PAPPA2: variants seen among roughly 807,000 people sequenced by gnomAD.
PAPPA2 encodes the protein pappalysin-2.
PAPPA2 carries 86 observed loss-of-function variants against 176.4 expected under a neutral mutation model. The observed-to-expected ratio is 0.49, with a 90% confidence interval of 0.41 to 0.58. The LOEUF is 0.58. Among genes scored for constraint, PAPPA2 ranks in the 20% least tolerant of loss-of-function variants. The pLI is 0.00. For synonymous variants in PAPPA2, 809 were observed against 852.2 expected, an observed-to-expected ratio of 0.95 and a Z score of 0.88; for missense variants, 2,073 against 2,256.9, an observed-to-expected ratio of 0.92 and a Z score of 1.65.
intron 4 of PAPPA2, among the ~76,000 whole-genome samples, chr1:176,688,961 A>G (rs1409715632): frequency 2.0e-5 from 3 of 152,212 alleles, no homozygotes; most frequent in Non-Finnish European, 2.9e-5. Context: ...AGGACCTGCT[A>G]TACTCAGAAG....
intron 5 of PAPPA2, 34 bp from the exon 6 acceptor site, chr1:176,692,092 T>C (rs927863297): frequency 6.3e-7 from 1 of 1,575,298 alleles, no homozygotes; most frequent in African/African-American, 1.3e-5. Context: ...GGTTAAAATC[T>C]CCATCTCTTG....
chr1:176,637,600 T>A (rs1448600912), intron 3 of PAPPA2, among the ~76,000 whole-genome samples: 5 of 152,184 alleles, frequency 3.3e-5, no homozygotes, highest in Non-Finnish European at 7.3e-5. Flanking sequence ...AAAGTGGGCC[T>A]ATAATCCTCA....
intron 14 of PAPPA2, among the ~76,000 whole-genome samples, chr1:176,745,244 T>C (rs1662854779): frequency 6.6e-6 from 1 of 152,224 alleles, no homozygotes; most frequent in Non-Finnish European, 1.5e-5. Flanking sequence ...TTTTCTCTGC[T>C]GTTTCTGGTG....
At chr1:176,794,878 G>A (rs1484697389) in intron 20 of PAPPA2, among the ~76,000 whole-genome samples, 1 of 152,200 alleles carries the variant, frequency 6.6e-6, no homozygotes, top group Admixed American at 6.5e-5. Flanking sequence ...TGTTACGCAT[G>A]GGGATCTAGA....
At chr1:176,535,820 G>A (rs1171289286) in intron 1 of PAPPA2, among the ~76,000 whole-genome samples, 1 of 152,180 alleles carries the variant, frequency 6.6e-6, no homozygotes, top group Non-Finnish European at 1.5e-5. Flanking sequence ...AGGAATATAT[G>A]AGATATTGCA....
chr1:176,706,342 T>G lies in PAPPA2; in HGVS notation c.3366-17T>G. 1.2e-6 allele frequency: 2 copies of G among 1,608,626 alleles called. No individual in the cohort carries two copies. Among genetic ancestry groups the G allele is most frequent in the South Asian group, 2.2e-5 (2 of 90,882 alleles). On this transcript the variant is annotated splice_polypyrimidine_tract_variant and intron_variant, in intron 9 of 22. Transcript: ENST00000367662. ...TGTGTGTATGTGTTATATATGCATATATATTTTACCCTCTAGGAGACTGGG... is the reference window on the plus strand; with the variant it reads ...TGTGTGTATGTGTTATATATGCATAGATATTTTACCCTCTAGGAGACTGGG...
chr1:176,563,906 A>T (rs1651809240), intron 2 of PAPPA2, among the ~76,000 whole-genome samples: 1 of 151,340 alleles, frequency 6.6e-6, no homozygotes, highest in African/African-American at 2.5e-5. Context: ...TGGCTGGAGG[A>T]CTCAAAAAGG....
In PAPPA2 at chr1:176,706,407, C is replaced by T. The variant is rs1660883710; in HGVS notation, c.3414C>T (p.Gly1138=). Residue 1138 remains glycine (G), a synonymous_variant, in exon 10 of 23, where the codon GGC becomes GGT. Transcript: ENST00000367662. ...ATGGAGACCTTGTGAGCGGAGATGGCTGCTCCAAGGTGTGTGAGCTGGAGG... is the reference window on the plus strand; with the variant it reads ...ATGGAGACCTTGTGAGCGGAGATGGTTGCTCCAAGGTGTGTGAGCTGGAGG... ...CDDGDLVSGD[G]CSKVCELEEG... 1 of 1,613,656 alleles carries T rather than the reference C, an allele frequency of 6.2e-7. No individual in the cohort carries two copies. The highest frequency in any genetic ancestry group is 1.7e-5 in the Admixed American group (1 of 59,962).
intron 16 of PAPPA2, among the ~76,000 whole-genome samples, chr1:176,770,071 C>T (rs973464997): frequency 6.6e-6 from 1 of 152,170 alleles, no homozygotes; most frequent in African/African-American, 2.4e-5. Flanking sequence ...AATGGTTGTC[C>T]TGATAATATT....
chr1:176,488,460 G>T (rs147577542), intron 1 of PAPPA2, among the ~76,000 whole-genome samples: 22 of 152,238 alleles, frequency 1.4e-4, no homozygotes, highest in African/African-American at 5.1e-4. Flanking sequence ...GTACAAGAGT[G>T]TCTTCGAAAT....
At chr1:176,704,103 G>C (rs1005431419) in intron 9 of PAPPA2, among the ~76,000 whole-genome samples, 2 of 151,994 alleles carry the variant, frequency 1.3e-5, no homozygotes, top group African/African-American at 4.8e-5. Flanking sequence ...GCAGCCCCAG[G>C]GTGCCATTTC....
intron 12 of PAPPA2, among the ~76,000 whole-genome samples, chr1:176,724,528 G>A (rs111265573): frequency 1.3e-5 from 2 of 152,080 alleles, no homozygotes; most frequent in Non-Finnish European, 2.9e-5. Flanking sequence ...GAATGGTCTC[G>A]TTCAGGCTGG....
At chr1:176,765,545 C>T (rs1479448796) in intron 14 of PAPPA2, 121 bp from the exon 15 acceptor site, 2 of 902,710 alleles carry the variant, frequency 2.2e-6, no homozygotes, top group Non-Finnish European at 3.4e-6. Flanking sequence ...AGTTAAATAT[C>T]AGTTTTGGAG....
chr1:176,502,472 T>C (rs1648022327), intron 1 of PAPPA2, among the ~76,000 whole-genome samples: 1 of 152,210 alleles, frequency 6.6e-6, no homozygotes, highest in South Asian at 2.1e-4. Flanking sequence ...TAGAAAAAGA[T>C]TTATTTTGTT....
chr1:176,696,841 A>G (rs1423535520), intron 7 of PAPPA2, among the ~76,000 whole-genome samples: 1 of 152,248 alleles, frequency 6.6e-6, no homozygotes. Flanking sequence ...GAGAGTCTGC[A>G]GTATCTGCAA....
intron 5 of PAPPA2, among the ~76,000 whole-genome samples, chr1:176,691,831 G>C (rs576708228): frequency 2.6e-5 from 4 of 152,234 alleles, no homozygotes; most frequent in Non-Finnish European, 5.9e-5. Context: ...CTGCCATCTT[G>C]TGGTTTGCTG....
chr1:176,831,937 C>CT (rs1667094593), intron 21 of PAPPA2, among the ~76,000 whole-genome samples: 1 of 152,136 alleles, frequency 6.6e-6, no homozygotes, highest in Admixed American at 6.5e-5. Context: ...TCACCTGACT[C>CT]TGTCTTTCAT....
At chr1:176,711,213 A>G (rs536827123) in intron 11 of PAPPA2, among the ~76,000 whole-genome samples, 19 of 152,194 alleles carry the variant, frequency 1.2e-4, no homozygotes, top group Non-Finnish European at 2.6e-4. Flanking sequence ...AAGGGGAAAT[A>G]GATACCGATC....
chr1:176,502,265 T>C (rs1478389375), intron 1 of PAPPA2, among the ~76,000 whole-genome samples: 3 of 152,220 alleles, frequency 2.0e-5, no homozygotes, highest in Admixed American at 2.0e-4. Flanking sequence ...TTTGCCCATA[T>C]ATCTTTAAAC....
Sources: allele counts gnomAD v4.1 joint callset (sites outside exome capture counted in the v4.1 genomes callset), GRCh38; gene constraint gnomAD v4.1.1; transcripts MANE v1.5; gene names NCBI Gene and HGNC (gene_info 2026-07-23, HGNC 2026-07-21).